Variants in DPYSL2 observed in about 807,000 individuals in gnomAD.
The protein encoded by DPYSL2 is dihydropyrimidinase-related protein 2.
A neutral mutation model predicts 69.9 loss-of-function variants in DPYSL2; 13 were observed. The ratio of observed to expected loss-of-function variants is 0.19; its 90% CI spans 0.12 to 0.30. DPYSL2 has a LOEUF of 0.30. Among genes scored for constraint, DPYSL2 ranks in the 10% least tolerant of loss-of-function variants. The probability of loss-of-function intolerance (pLI) is 1.00; values close to 1 mark genes in which losing one functional copy is unlikely to be tolerated. For missense variants in DPYSL2, 587 were observed against 918.9 expected (o/e 0.64, Z 4.67); for synonymous variants, 326 against 359.1 (o/e 0.91, Z 1.04).
intron 1 of DPYSL2, among the ~76,000 whole-genome samples, chr8:26,526,248 C>A (rs1808474022): frequency 6.6e-6 from 1 of 152,170 alleles, no homozygotes. Flanking sequence ...GTATGTGCCA[C>A]CATGCCCGGC....
chr8:26,543,205 T>C (rs1457741189), intron 1 of DPYSL2, among the ~76,000 whole-genome samples: 1 of 152,214 alleles, frequency 6.6e-6, no homozygotes. Flanking sequence ...ATCTATACCA[T>C]TCAAATGTTA....
chr8:26,529,929 G>A (rs1800476909), intron 1 of DPYSL2, among the ~76,000 whole-genome samples: 1 of 151,176 alleles, frequency 6.6e-6, no homozygotes, highest in African/African-American at 2.4e-5. Context: ...TGGCTAACAT[G>A]CTGAAACCTC....
At chr8:26,634,027 A>T (rs1439932892) in intron 7 of DPYSL2, among the ~76,000 whole-genome samples, 1 of 152,184 alleles carries the variant, frequency 6.6e-6, no homozygotes, top group Non-Finnish European at 1.5e-5. Context: ...TTGACTCAAG[A>T]CCCTGGGAGC....
chr8:26,514,755 C>G lies in DPYSL2; in HGVS notation c.354+76C>G, dbSNP rs1477358657. 20 of 1,278,854 alleles carry G rather than the reference C, an allele frequency of 1.6e-5. No individual in the cohort carries two copies. Among genetic ancestry groups the G allele is most frequent in the Non-Finnish European group, 1.9e-5 (19 of 987,592 alleles). 79.2% of individuals were successfully genotyped at this position (1,278,854 alleles called of 1,614,324 possible). A position where few individuals can be genotyped will look rare whatever the true frequency, so the allele number is the denominator to read the frequency against. ...CCCTCCCTCGCCCCTGAGCCCGGCGCGCCCGCCTTCATGCCCCGCCCTGGA... is the reference window on the plus strand; with the variant it reads ...CCCTCCCTCGCCCCTGAGCCCGGCGGGCCCGCCTTCATGCCCCGCCCTGGA... On this transcript the variant is annotated intron_variant, in intron 1 of 13. Coordinates refer to ENST00000521913, the MANE Select transcript of DPYSL2 (RefSeq NM_001197293.3). This position sits in a 1 kb window ranked among gnomAD's most constrained non-coding sequence, Gnocchi z 8.4.
At chr8:26,639,471 A>G (rs1029679030) in intron 8 of DPYSL2, among the ~76,000 whole-genome samples, 3 of 152,122 alleles carry the variant, frequency 2.0e-5, no homozygotes, top group African/African-American at 7.2e-5. Context: ...TTCAATTTGC[A>G]TTGTAATTCA....
chr8:26,615,152 A>C (rs745978492), intron 3 of DPYSL2, among the ~76,000 whole-genome samples: 1 of 152,080 alleles, frequency 6.6e-6, no homozygotes, highest in Non-Finnish European at 1.5e-5. Context: ...ACTTAATCTT[A>C]CTGTCTGTTC....
intron 1 of DPYSL2, among the ~76,000 whole-genome samples, chr8:26,536,441 C>T (rs1300256283): frequency 6.6e-6 from 1 of 151,884 alleles, no homozygotes; most frequent in Non-Finnish European, 1.5e-5. Context: ...GAGGCTGAGG[C>T]GGTTGGATCA....
chr8:26,521,315 T>C (rs1161981420), intron 1 of DPYSL2, among the ~76,000 whole-genome samples: 1 of 147,206 alleles, frequency 6.8e-6, no homozygotes, highest in Non-Finnish European at 1.5e-5. Flanking sequence ...AAGCACTGAG[T>C]GAAGCCAGCT....
At chr8:26,655,477 C>A in intron 13 of DPYSL2, 138 bp from the exon 14 acceptor site, 2 of 680,454 alleles carry the variant, frequency 2.9e-6, no homozygotes, top group Non-Finnish European at 4.6e-6. Context: ...GTCTGGAAAA[C>A]AGAGCAAGAC....
At chr8:26,645,867 CT>C (rs1186863550) in intron 10 of DPYSL2, among the ~76,000 whole-genome samples, 4 of 147,116 alleles carry the variant, frequency 2.7e-5, no homozygotes, top group Non-Finnish European at 6.0e-5. Context: ...ACTTATAATT[CT>C]TTTTTTTTGG....
At position 26,593,320 on chromosome 8, in the gene DPYSL2, C is replaced by G. The variant is rs959659439; in HGVS notation, c.628+9337C>G. ...GACCAGACCTTCTGACTTAATTGTTCTAGGTGGGCCTGGCATTGGTCGTTT... is the reference window on the plus strand; with the variant it reads ...GACCAGACCTTCTGACTTAATTGTTGTAGGTGGGCCTGGCATTGGTCGTTT... On this transcript the variant is annotated intron_variant, in intron 3 of 13. Transcript: ENST00000521913. The surrounding 1 kb of genome is among the most constrained non-coding windows in gnomAD (Gnocchi z 5.7). Among the ~76,000 whole-genome samples, 2 of 152,138 alleles carry G rather than the reference C, an allele frequency of 1.3e-5. No individual in the cohort carries two copies. Among genetic ancestry groups the G allele is most frequent in the Non-Finnish European group, 2.9e-5 (2 of 68,026 alleles).
At chr8:26,549,286 A>AT (rs149759660) in intron 1 of DPYSL2, among the ~76,000 whole-genome samples, 10,745 of 152,030 alleles carry the variant, frequency 0.071, 457 homozygotes, top group South Asian at 0.22. Flanking sequence ...AATGCCTTTT[A>AT]TTTGATTGAT....
At position 26,643,521 on chromosome 8, in the gene DPYSL2, T is replaced by C; in HGVS notation, c.1209T>C (p.Ala403=). The C allele has an allele frequency of 6.2e-7, 1 of 1,613,956 alleles. No homozygotes were observed. The highest frequency in any genetic ancestry group is 8.5e-7 in the Non-Finnish European group (1 of 1,179,920). Residue 403 remains alanine (A), a synonymous_variant, in exon 9 of 14, where the codon GCT becomes GCC. Transcript: ENST00000521913. The surrounding 1 kb of genome is among the most constrained non-coding windows in gnomAD (Gnocchi z 6.5). ...ACTGGAGCAAGAACTGGGCCAAGGC[T>C]GCTGCCTTTGTCACCTCCCCACCCT... ...SHYWSKNWAK[A]AAFVTSPPLS...
Position 26,556,354 on chromosome 8 carries a change from A to ATATATATACTATATATATATAG in DPYSL2, c.355-25607_355-25606insCTATATATATATAGTATATATA, listed in dbSNP as rs796496998. On this transcript the variant is annotated intron_variant, in intron 1 of 13. Transcript: ENST00000521913. ...TATATATATAGTATATATATATAGTATATATATATAGTATATATATATAGT... is the reference window on the plus strand; with the variant it reads ...TATATATATAGTATATATATATAGTATATATATACTATATATATATAGTATATATATAGTATATATATATAGT... Among the ~76,000 whole-genome samples the ATATATATACTATATATATATAG allele has an allele frequency of 1.4e-4, 2 of 14,070 alleles. 1 individual carries two copies. Among genetic ancestry groups the ATATATATACTATATATATATAG allele is most frequent in the African/African-American group, 5.6e-4 (2 of 3,598 alleles). 9.2% of individuals were successfully genotyped at this position (14,070 alleles called of 152,430 possible). A position where few individuals can be genotyped will look rare whatever the true frequency, so the allele number is the denominator to read the frequency against.
chr8:26,621,141 A>G lies in DPYSL2; in HGVS notation c.629-3002A>G, dbSNP rs946418039. 5.3e-5 allele frequency among the ~76,000 whole-genome samples: 8 copies of G among 152,206 alleles called. No homozygotes were observed. The highest frequency in any genetic ancestry group is 1.7e-4 in the African/African-American group (7 of 41,436). ...ACTTTTTGGGGGAAGAAAGTGGACT[A>G]TAGATAAAGAAATAGAATAAGGTAT... On this transcript the variant is annotated intron_variant, in intron 3 of 13. Coordinates refer to ENST00000521913, the MANE Select transcript of DPYSL2 (RefSeq NM_001197293.3). The surrounding 1 kb of genome is among the most constrained non-coding windows in gnomAD (Gnocchi z 4.9).
chr8:26,514,136 G>C lies in DPYSL2; in HGVS notation c.-190G>C. ...GGGCGTGGGCAGGGAGGGGAGAAGC[G>C]GGGTCAGGGGGAGGGACCGGGAGGG... is the stretch of plus-strand genomic sequence containing the variant. On this transcript the variant is annotated 5_prime_UTR_variant, in exon 1 of 14. Coordinates refer to ENST00000521913, the MANE Select transcript of DPYSL2 (RefSeq NM_001197293.3). The surrounding 1 kb of genome is among the most constrained non-coding windows in gnomAD (Gnocchi z 8.4). The C allele has an allele frequency of 2.4e-6, 1 of 425,208 alleles. No homozygotes were observed. The highest frequency in any genetic ancestry group is 3.7e-5 in the East Asian group (1 of 27,352). 26.3% of individuals were successfully genotyped at this position (425,208 alleles called of 1,614,324 possible).
intron 1 of DPYSL2, among the ~76,000 whole-genome samples, chr8:26,519,664 C>G (rs1386715558): frequency 6.6e-6 from 1 of 151,892 alleles, no homozygotes; most frequent in Non-Finnish European, 1.5e-5. Context: ...AGTATGTAAA[C>G]TAGGATTTGA....
At chr8:26,541,389 A>G (rs1176296253) in intron 1 of DPYSL2, among the ~76,000 whole-genome samples, 2 of 152,232 alleles carry the variant, frequency 1.3e-5, no homozygotes, top group Non-Finnish European at 2.9e-5. Flanking sequence ...TAACTTACTT[A>G]TCATTTACTT....
chr8:26,569,317 G>A (rs1424968210), intron 1 of DPYSL2, among the ~76,000 whole-genome samples: 1 of 140,562 alleles, frequency 7.1e-6, no homozygotes, highest in African/African-American at 2.6e-5. Context: ...TCATGCCACG[G>A]CACTCTAGCC....
Sources: gnomAD v4.1 joint callset for allele counts (sites outside exome capture counted in the v4.1 genomes callset) on GRCh38, gnomAD v4.1.1 for gene constraint, Gnocchi (gnomAD v3.1) non-coding constraint, MANE v1.5 for transcripts, NCBI Gene and HGNC (gene_info 2026-07-23, HGNC 2026-07-21) for gene names.